Variants in PTPN4 observed in about 807,000 individuals in gnomAD.
The protein encoded by PTPN4 is protein tyrosine phosphatase non-receptor type 4.
PTPN4 carries 49 observed loss-of-function variants against 135.5 expected under a neutral mutation model. That is an observed-to-expected ratio of 0.36 (90% CI 0.29 to 0.46). The LOEUF (loss-of-function observed/expected upper bound fraction) is 0.46. Ranked by LOEUF, PTPN4 falls within the 20% of genes least tolerant of loss-of-function variation. The pLI, the probability that PTPN4 is intolerant of heterozygous loss-of-function variation, is 1.00. For missense variants in PTPN4, 860 were observed against 1,101.0 expected, an observed-to-expected ratio of 0.78 and a Z score of 3.10; for synonymous variants, 333 against 369.9, an observed-to-expected ratio of 0.90 and a Z score of 1.14.
In PTPN4 at chr2:119,932,525, G is replaced by A. The variant is rs778139713; in HGVS notation, c.1172G>A (p.Arg391Gln). The A allele has an allele frequency of 2.5e-6, 4 of 1,611,354 alleles. No individual in the cohort carries two copies. Among genetic ancestry groups the A allele is most frequent in the Non-Finnish European group, 1.7e-6 (2 of 1,178,416 alleles). ...DRLETQSLPS[R>Q]SPPGTPNHRN... ...TTAGAAACACAAAGTCTTCCATCAC[G>A]ATCTCCACCGGGAACTCCTAATCAG... Residue 391 changes from arginine (R) to glutamine (Q), a missense_variant, in exon 14 of 27, where the codon CGA becomes CAA. By Grantham distance (43) the Arg-to-Gln change is conservative (BLOSUM62 1). This residue lies in a region of PTPN4 where 684 missense variants were observed against 807.0 expected (regional missense o/e 0.85). Transcript: ENST00000263708.
At chr2:119,771,439 A>G (rs889733787) in intron 1 of PTPN4, 23 of 152,186 alleles carry the variant, frequency 1.5e-4, no homozygotes, top group African/African-American at 4.3e-4. Flanking sequence ...TGTGTTAACA[A>G]TGTCCTATTT....
At chr2:119,844,361 C>G (rs1394239464) in intron 2 of PTPN4, among the ~76,000 whole-genome samples, 1 of 113,648 alleles carries the variant, frequency 8.8e-6, no homozygotes, top group African/African-American at 3.3e-5. Context: ...CCCCCCCCCC[C>G]ACCTCCCTCC....
In PTPN4 at chr2:119,864,949, T is replaced by C. The variant is rs548632432; in HGVS notation, c.246+2306T>C. Reference sequence around the variant, plus strand: ...AGAATTTTAAAGGTCCAAAAGAGGCTTTAGAGATTATCTAGCCTCACACTC... The same window carrying C: ...AGAATTTTAAAGGTCCAAAAGAGGCCTTAGAGATTATCTAGCCTCACACTC... On this transcript the variant is annotated intron_variant, in intron 3 of 26. Coordinates refer to ENST00000263708, the MANE Select transcript of PTPN4 (RefSeq NM_002830.4). Among the ~76,000 whole-genome samples, 5 of 152,244 alleles carry C rather than the reference T, an allele frequency of 3.3e-5. No homozygotes were observed. The East Asian group carries it at 5.8e-4, about 18-fold the overall frequency.
rs1679699330 is a variant in PTPN4 at position 119,981,756 on chromosome 2, A to G, written c.*4686A>G. Reference sequence around the variant, plus strand: ...GTGTCTTACAATGTTATAAAAAACAAACAGCAATCTCTGTTTCTGCCAGAA... The same window carrying G: ...GTGTCTTACAATGTTATAAAAAACAGACAGCAATCTCTGTTTCTGCCAGAA... On this transcript the variant is annotated 3_prime_UTR_variant, in exon 27 of 27. Transcript: ENST00000263708. 6.6e-6 allele frequency: 1 copy of G among 152,142 alleles called. No homozygotes were observed. Among genetic ancestry groups the G allele is most frequent in the Non-Finnish European group, 1.5e-5 (1 of 67,994 alleles). The allele number at this position is 152,142 out of a possible 1,614,324, so 9.4% of individuals were successfully genotyped here.
intron 2 of PTPN4, among the ~76,000 whole-genome samples, chr2:119,840,923 G>A (rs771315985): frequency 6.6e-6 from 1 of 152,118 alleles, no homozygotes; most frequent in Non-Finnish European, 1.5e-5. Flanking sequence ...TCTTAATGGA[G>A]TTGTTTTTTT....
chr2:119,876,535 T>C (rs1309703186), intron 3 of PTPN4, among the ~76,000 whole-genome samples: 1 of 152,164 alleles, frequency 6.6e-6, no homozygotes, highest in East Asian at 1.9e-4. Context: ...GTTAGGTTTA[T>C]AAATAATGAT....
chr2:119,834,081 A>G (rs3101945), intron 2 of PTPN4, among the ~76,000 whole-genome samples: 58,606 of 152,068 alleles, frequency 0.39, 12,829 homozygotes, highest in African/African-American at 0.6. Flanking sequence ...CATATGATAC[A>G]GGGTGCATGT....
intron 3 of PTPN4, among the ~76,000 whole-genome samples, chr2:119,869,423 A>G (rs755093654): frequency 6.6e-6 from 1 of 152,142 alleles, no homozygotes; most frequent in Non-Finnish European, 1.5e-5. Context: ...CAGTATCTCT[A>G]CTTATTTCTT....
At chr2:119,969,895 A>C (rs1679504375) in intron 26 of PTPN4, among the ~76,000 whole-genome samples, 1 of 151,868 alleles carries the variant, frequency 6.6e-6, no homozygotes, top group African/African-American at 2.4e-5. Context: ...CAGTATTTAA[A>C]TTTCTAGTTG....
At chr2:119,932,711 G>T (rs1327780644) in intron 14 of PTPN4, among the ~76,000 whole-genome samples, 162 bp downstream of exon 14, 1 of 152,158 alleles carries the variant, frequency 6.6e-6, no homozygotes, top group Admixed American at 6.6e-5. Flanking sequence ...TTTGCCTGCT[G>T]CTCTTTGCAG....
chr2:119,844,835 A>T (rs1677462266), intron 2 of PTPN4, among the ~76,000 whole-genome samples: 1 of 146,288 alleles, frequency 6.8e-6, no homozygotes, highest in Admixed American at 6.7e-5. Context: ...GACACTCCTC[A>T]CTTCCCAGAC....
intron 1 of PTPN4, among the ~76,000 whole-genome samples, chr2:119,794,198 C>T (rs1056940252): frequency 6.6e-6 from 1 of 151,954 alleles, no homozygotes; most frequent in African/African-American, 2.4e-5. Context: ...TAATAAGTGA[C>T]ATATGTTTAG....
chr2:119,890,342 T>G (rs946445609), intron 9 of PTPN4, among the ~76,000 whole-genome samples: 3 of 152,084 alleles, frequency 2.0e-5, no homozygotes, highest in African/African-American at 7.2e-5. Flanking sequence ...TACTCCTAAC[T>G]TCTCATTTTC....
chr2:119,852,455 T>C (rs1677607162), intron 2 of PTPN4, among the ~76,000 whole-genome samples: 1 of 152,230 alleles, frequency 6.6e-6, no homozygotes, highest in Non-Finnish European at 1.5e-5. Context: ...ATTTTCTGTT[T>C]AGGTGCGGGT....
intron 3 of PTPN4, among the ~76,000 whole-genome samples, chr2:119,872,525 C>T (rs565346072): frequency 1.3e-5 from 2 of 152,282 alleles, no homozygotes; most frequent in East Asian, 1.9e-4. Context: ...AACTCACATC[C>T]TTCACTCCCG....
At chr2:119,849,117 C>T (rs902779393) in intron 2 of PTPN4, among the ~76,000 whole-genome samples, 2 of 152,118 alleles carry the variant, frequency 1.3e-5, no homozygotes, top group African/African-American at 4.8e-5. Flanking sequence ...TTCATTACCT[C>T]TTTAAGCATG....
chr2:119,983,442 C>T lies in PTPN4; in HGVS notation c.*6372C>T, dbSNP rs1679724141. 6.6e-6 allele frequency: 1 copy of T among 152,130 alleles called. No homozygotes were observed. The highest frequency in any genetic ancestry group is 2.4e-5 in the African/African-American group (1 of 41,422). 9.4% of individuals were successfully genotyped at this position (152,130 alleles called of 1,614,324 possible). On this transcript the variant is annotated 3_prime_UTR_variant, in exon 27 of 27. Coordinates refer to ENST00000263708, the MANE Select transcript of PTPN4 (RefSeq NM_002830.4). The stretch of plus-strand genomic sequence containing the variant: ...GAATTGTAGTGTTCAAGTTATTTGC[C>T]TTCCTGGGTAAGAAAATTTTAACCC...
chr2:119,835,106 T>C (rs781612281), intron 2 of PTPN4, among the ~76,000 whole-genome samples: 8 of 152,212 alleles, frequency 5.3e-5, no homozygotes, highest in Non-Finnish European at 1.0e-4. Context: ...ATGGAGTCTA[T>C]TGTCACTTCC....
At chr2:119,873,040 G>A (rs1558750874) in intron 3 of PTPN4, among the ~76,000 whole-genome samples, 1 of 152,272 alleles carries the variant, frequency 6.6e-6, no homozygotes, top group African/African-American at 2.4e-5. Flanking sequence ...CCAGACTGGA[G>A]TGCAGTGTGC....
Sources: gnomAD v4.1 joint callset for allele counts (sites outside exome capture counted in the v4.1 genomes callset) on GRCh38, gnomAD v4.1.1 for gene constraint, gnomAD v4.1.1 regional missense constraint, MANE v1.5 for transcripts, NCBI Gene and HGNC (gene_info 2026-07-23, HGNC 2026-07-21) for gene names.